Variants in RPTOR observed in about 807,000 individuals in gnomAD.
RPTOR encodes regulatory-associated protein of mTOR.
Under a neutral mutation model 169.9 loss-of-function variants are expected in RPTOR, and 21 were observed. That is an observed-to-expected ratio of 0.12 (90% CI 0.09 to 0.18). The LOEUF is 0.18. Among genes scored for constraint, RPTOR ranks in the 10% least tolerant of loss-of-function variants. The pLI, the probability that RPTOR is intolerant of heterozygous loss-of-function variation, is 1.00. For synonymous variants in RPTOR, 732 were observed against 753.2 expected, an observed-to-expected ratio of 0.97 and a Z score of 0.46; for missense variants, 1,133 against 1,855.9, an observed-to-expected ratio of 0.61 and a Z score of 7.16.
In RPTOR at chr17:80,957,318, G is replaced by A. The variant is rs566655313; in HGVS notation, c.3371-306G>A. ...AGTTCCAGCTTAGAATTGTCACCCC[G>A]GCCTGGACTTGGGAGTTCCAGCTTA... is the stretch of plus-strand genomic sequence containing the variant. On this transcript the variant is annotated intron_variant, in intron 28 of 33. Coordinates refer to ENST00000306801, the MANE Select transcript of RPTOR (RefSeq NM_020761.3). The surrounding 1 kb of genome is among the most constrained non-coding windows in gnomAD (Gnocchi z 4.6). 9.1e-5 allele frequency among the ~76,000 whole-genome samples: 13 copies of A among 142,836 alleles called. No individual in the cohort carries two copies. The highest frequency in any genetic ancestry group is 4.6e-4 in the South Asian group (2 of 4,312). 93.7% of individuals were successfully genotyped at this position (142,836 alleles called of 152,430 possible). A position where few individuals can be genotyped will look rare whatever the true frequency, so the allele number is the denominator to read the frequency against.
At chr17:80,568,656 C>T (rs2064870896) in intron 1 of RPTOR, among the ~76,000 whole-genome samples, 1 of 152,076 alleles carries the variant, frequency 6.6e-6, no homozygotes, top group Non-Finnish European at 1.5e-5. Context: ...TCCAGTTTTC[C>T]TATCTCTCCC....
intron 5 of RPTOR, among the ~76,000 whole-genome samples, chr17:80,750,981 TA>T (rs535344204): frequency 6.4e-4 from 97 of 152,352 alleles, no homozygotes; most frequent in Admixed American, 1.0e-3. Context: ...TTATATTTAT[TA>T]TTAAGTATAT....
chr17:80,596,055 T>G (rs1159718943), intron 1 of RPTOR, among the ~76,000 whole-genome samples: 1 of 152,260 alleles, frequency 6.6e-6, no homozygotes, highest in Non-Finnish European at 1.5e-5. Flanking sequence ...TTGAACGTGC[T>G]TATTAGCGTG....
chr17:80,898,079 G>A (rs1837211022), intron 20 of RPTOR, among the ~76,000 whole-genome samples: 1 of 152,192 alleles, frequency 6.6e-6, no homozygotes, highest in African/African-American at 2.4e-5. Flanking sequence ...GGCTAGTGTA[G>A]TGTTGTGAGG....
intron 21 of RPTOR, among the ~76,000 whole-genome samples, chr17:80,915,284 G>T (rs201508963): frequency 1.5e-5 from 2 of 133,342 alleles, no homozygotes; most frequent in African/African-American, 5.6e-5. Context: ...ACCCACTCCA[G>T]GGTCTCCTCT....
intron 5 of RPTOR, among the ~76,000 whole-genome samples, chr17:80,751,647 C>T (rs2066631531): frequency 6.6e-6 from 1 of 152,238 alleles, no homozygotes; most frequent in Non-Finnish European, 1.5e-5. Flanking sequence ...TTCATCGTCA[C>T]TTACAATATT....
At chr17:80,931,108 T>A (rs1378589994) in intron 24 of RPTOR, among the ~76,000 whole-genome samples, 1 of 152,182 alleles carries the variant, frequency 6.6e-6, no homozygotes, top group Non-Finnish European at 1.5e-5. Flanking sequence ...TCCTTCGGCC[T>A]CAAGCGTATG....
chr17:80,907,149 C>T (rs966932272), intron 20 of RPTOR, among the ~76,000 whole-genome samples: 3 of 152,254 alleles, frequency 2.0e-5, no homozygotes, highest in African/African-American at 4.8e-5. Context: ...ACACGAGGCC[C>T]TCCACTGGCT....
intron 14 of RPTOR, among the ~76,000 whole-genome samples, chr17:80,882,902 C>T (rs2672873): frequency 0.036 from 5,450 of 152,258 alleles, 152 homozygotes; most frequent in South Asian, 0.069. Flanking sequence ...ACTAAGGCAC[C>T]GCTAAAAAGT....
intron 3 of RPTOR, among the ~76,000 whole-genome samples, chr17:80,696,781 A>T (rs2066040815): frequency 6.6e-6 from 1 of 152,108 alleles, no homozygotes; most frequent in African/African-American, 2.4e-5. Context: ...AAGCACCAAT[A>T]CAGGAGCAAA....
Position 80,947,874 on chromosome 17 carries a change from G to A in RPTOR, c.3265+523G>A, listed in dbSNP as rs937883980. Among the ~76,000 whole-genome samples the A allele has an allele frequency of 2.0e-5, 3 of 152,202 alleles. No individual in the cohort carries two copies. Among genetic ancestry groups the A allele is most frequent in the Admixed American group, 6.5e-5 (1 of 15,284 alleles). On this transcript the variant is annotated intron_variant, in intron 27 of 33. Coordinates refer to ENST00000306801, the MANE Select transcript of RPTOR (RefSeq NM_020761.3). The surrounding 1 kb of genome is among the most constrained non-coding windows in gnomAD (Gnocchi z 4.4). ...CTGACCAGTGGTTCATTGCCGTAGT[G>A]GGTCTCACTCAGGTTTTGGTTTTCT... is the stretch of plus-strand genomic sequence containing the variant.
At chr17:80,765,284 A>G (rs770018249) in intron 6 of RPTOR, among the ~76,000 whole-genome samples, 8 of 152,176 alleles carry the variant, frequency 5.3e-5, no homozygotes, top group African/African-American at 1.9e-4. Flanking sequence ...TCTTCTTTTC[A>G]GAGAGCCAGT....
chr17:80,945,632 C>T (rs771856086), intron 25 of RPTOR, 35 bp from the exon 26 acceptor site: 2 of 1,295,172 alleles, frequency 1.5e-6, no homozygotes, highest in East Asian at 4.9e-5. Context: ...AAGATGCTGG[C>T]TCCTGGATCC....
At chr17:80,628,758 G>A (rs2065415700) in intron 2 of RPTOR, among the ~76,000 whole-genome samples, 2 of 152,008 alleles carry the variant, frequency 1.3e-5, no homozygotes, top group South Asian at 2.1e-4. Context: ...CTGGGACTAT[G>A]GATGCCCAGT....
chr17:80,582,765 C>T lies in RPTOR; in HGVS notation c.162+36974C>T, dbSNP rs1008378701. Among the ~76,000 whole-genome samples, 146 of 151,492 alleles carry T rather than the reference C, an allele frequency of 9.6e-4. No individual in the cohort carries two copies. The Middle Eastern group carries it at 0.02, about 21-fold the overall frequency. On this transcript the variant is annotated intron_variant, in intron 1 of 33. Coordinates refer to ENST00000306801, the MANE Select transcript of RPTOR (RefSeq NM_020761.3). The stretch of plus-strand genomic sequence containing the variant: ...TTCACCATGTTGGCCAGGATGGTCT[C>T]GATCTCTTGACCTCGTGATCCGCCC...
At position 80,721,298 on chromosome 17, in the gene RPTOR, C is replaced by G. The variant is rs952001394; in HGVS notation, c.508-9262C>G. ...GGCAGCACTGTGGAAACTGTTCTCACGACTGTGAGTCATTGAGGCTCCTGG... is the reference window on the plus strand; with the variant it reads ...GGCAGCACTGTGGAAACTGTTCTCAGGACTGTGAGTCATTGAGGCTCCTGG... On this transcript the variant is annotated intron_variant, in intron 4 of 33. Transcript: ENST00000306801. This position sits in a 1 kb window ranked among gnomAD's most constrained non-coding sequence, Gnocchi z 4.7. Among the ~76,000 whole-genome samples, 5 of 151,440 alleles carry G rather than the reference C, an allele frequency of 3.3e-5. No individual in the cohort carries two copies. The highest frequency in any genetic ancestry group is 3.3e-4 in the Admixed American group (5 of 15,276).
Position 80,838,007 on chromosome 17 carries a change from TC to T in RPTOR, c.1212+12del. ...AGGCACTGCGTTTCGGGTGAGTCCC[TC>T]CAAGGGCACCCTGTGCATCCGCGGC... On this transcript the variant is annotated intron_variant, in intron 10 of 33. Coordinates refer to ENST00000306801, the MANE Select transcript of RPTOR (RefSeq NM_020761.3). The T allele has an allele frequency of 6.2e-7, 1 of 1,604,692 alleles. No individual in the cohort carries two copies. Among genetic ancestry groups the T allele is most frequent in the Non-Finnish European group, 8.5e-7 (1 of 1,175,180 alleles).
intron 1 of RPTOR, among the ~76,000 whole-genome samples, chr17:80,548,328 T>C (rs1239535752): frequency 6.7e-5 from 10 of 148,682 alleles, no homozygotes; most frequent in African/African-American, 1.7e-4. Flanking sequence ...CCTCCAAAAA[T>C]GCTAGGATTA....
chr17:80,743,482 G>C, intron 5 of RPTOR: 1 of 984,032 alleles, frequency 1.0e-6, no homozygotes, highest in Non-Finnish European at 1.2e-6. Context: ...CACTTGTGTG[G>C]GGAGCTCCAG....
Sources: gnomAD v4.1 joint callset for allele counts (sites outside exome capture counted in the v4.1 genomes callset) on GRCh38, gnomAD v4.1.1 for gene constraint, Gnocchi (gnomAD v3.1) non-coding constraint, MANE v1.5 for transcripts, NCBI Gene and HGNC (gene_info 2026-07-23, HGNC 2026-07-21) for gene names.